The following LDB2 variants were observed in gnomAD, a reference collection of about 807,000 sequenced individuals.
The protein encoded by LDB2 is LIM domain-binding protein 2.
LDB2 carries 12 observed loss-of-function variants against 44.3 expected under a neutral mutation model. The observed-to-expected ratio is 0.27, with a 90% confidence interval of 0.17 to 0.44. LDB2 has a LOEUF of 0.44. Among genes scored for constraint, LDB2 ranks in the 20% least tolerant of loss-of-function variants. The probability of loss-of-function intolerance (pLI) is 1.00; values close to 1 mark genes in which losing one functional copy is unlikely to be tolerated. For missense variants in LDB2, 344 were observed against 473.5 expected, an observed-to-expected ratio of 0.73 and a Z score of 2.54; for synonymous variants, 164 against 174.8, an observed-to-expected ratio of 0.94 and a Z score of 0.49.
chr4:16,799,634 C>T (rs1294942948), intron 1 of LDB2, among the ~76,000 whole-genome samples: 1 of 152,116 alleles, frequency 6.6e-6, no homozygotes, highest in Non-Finnish European at 1.5e-5. Flanking sequence ...TATGATTGAA[C>T]AAGAACAAAG....
chr4:16,563,973 A>T (rs1743539895), intron 5 of LDB2, among the ~76,000 whole-genome samples: 3 of 152,154 alleles, frequency 2.0e-5, no homozygotes, highest in Admixed American at 2.0e-4. Context: ...TAAATACTCA[A>T]TTACAGTGAT....
At position 16,848,907 on chromosome 4, in the gene LDB2, ACT is replaced by A. The variant is rs1455198388; in HGVS notation, c.132+49445_132+49446del. Among the ~76,000 whole-genome samples, 8 of 152,088 alleles carry A rather than the reference ACT, an allele frequency of 5.3e-5. No individual in the cohort carries two copies. In the East Asian group the frequency reaches 1.4e-3, roughly 26 times the overall value. ...TCATCCACACTCTTTCCAGTAATGC[ACT>A]CTCTGCATGGCCGCCTGAAAGCTAC... On this transcript the variant is annotated intron_variant, in intron 1 of 7. Coordinates refer to ENST00000304523, the MANE Select transcript of LDB2 (RefSeq NM_001290.5).
chr4:16,681,021 T>C (rs950983035), intron 2 of LDB2, among the ~76,000 whole-genome samples: 8 of 152,188 alleles, frequency 5.3e-5, no homozygotes, highest in African/African-American at 1.7e-4. Flanking sequence ...GGTTATTCAA[T>C]ATAATACAAA....
At chr4:16,517,414 T>C (rs892469453) in intron 5 of LDB2, among the ~76,000 whole-genome samples, 8 of 152,180 alleles carry the variant, frequency 5.3e-5, no homozygotes, top group African/African-American at 1.9e-4. Flanking sequence ...TCCTTTGATG[T>C]TGAAAAAAAC....
intron 1 of LDB2, among the ~76,000 whole-genome samples, chr4:16,863,656 CTTTT>C (rs143950913): frequency 5.4e-5 from 5 of 91,926 alleles, no homozygotes; most frequent in South Asian, 4.3e-4. Flanking sequence ...CTCACATTCT[CTTTT>C]TTTTTTTTTT....
At chr4:16,687,711 C>G (rs960371238) in intron 2 of LDB2, among the ~76,000 whole-genome samples, 1 of 152,144 alleles carries the variant, frequency 6.6e-6, no homozygotes, top group Non-Finnish European at 1.5e-5. Flanking sequence ...CACACCCACC[C>G]TGCCTTTTCT....
At chr4:16,655,957 TG>T (rs1326629221) in intron 2 of LDB2, among the ~76,000 whole-genome samples, 1 of 128,346 alleles carries the variant, frequency 7.8e-6, no homozygotes, top group East Asian at 2.4e-4. Flanking sequence ...CGGAGTGCGG[TG>T]GCGCAATCTC....
intron 2 of LDB2, among the ~76,000 whole-genome samples, chr4:16,672,812 G>A (rs941239499): frequency 6.5e-5 from 8 of 124,008 alleles, no homozygotes; most frequent in African/African-American, 2.1e-4. Flanking sequence ...AACTGCTTGC[G>A]TGCCTGCCTG....
In LDB2 at chr4:16,502,604, C is replaced by A. The variant is rs1486493180; in HGVS notation, c.*39G>T. 6.2e-7 allele frequency: 1 copy of A among 1,607,130 alleles called. No homozygotes were observed. Among genetic ancestry groups the A allele is most frequent in the South Asian group, 1.1e-5 (1 of 90,998 alleles). On this transcript the variant is annotated 3_prime_UTR_variant, in exon 8 of 8. Coordinates refer to ENST00000304523, the MANE Select transcript of LDB2 (RefSeq NM_001290.5). Reference sequence around the variant, plus strand: ...AAAGATTTGCAATTGTAATGATCACCCACGGGCCTATTGACAGTGGATTCT... The same window carrying A: ...AAAGATTTGCAATTGTAATGATCACACACGGGCCTATTGACAGTGGATTCT...
At chr4:16,883,480 C>G (rs574678440) in intron 1 of LDB2, among the ~76,000 whole-genome samples, 203 of 152,362 alleles carry the variant, frequency 1.3e-3, no homozygotes, top group Non-Finnish European at 2.0e-3. Context: ...GGGGCATGAA[C>G]TACCATGCAG....
Position 16,606,061 on chromosome 4 carries a change from T to C in LDB2, c.236-10186A>G, listed in dbSNP as rs192038845. Among the ~76,000 whole-genome samples, 7 of 152,338 alleles carry C rather than the reference T, an allele frequency of 4.6e-5. No individual in the cohort carries two copies. The East Asian group carries it at 1.4e-3, about 29-fold the overall frequency. ...CACCAATCTCAGTGCCTTCACCACT[T>C]CCTAGCTCACCTTTTTATCAATGTT... On this transcript the variant is annotated intron_variant, in intron 2 of 7. Coordinates refer to ENST00000304523, the MANE Select transcript of LDB2 (RefSeq NM_001290.5).
chr4:16,566,677 A>G (rs955785875), intron 5 of LDB2, among the ~76,000 whole-genome samples: 1 of 152,170 alleles, frequency 6.6e-6, no homozygotes, highest in African/African-American at 2.4e-5. Flanking sequence ...CATCTCACAC[A>G]AACAAAAACA....
chr4:16,736,417 G>A (rs746108289), intron 2 of LDB2, among the ~76,000 whole-genome samples: 13 of 152,178 alleles, frequency 8.5e-5, no homozygotes, highest in Admixed American at 2.6e-4. Context: ...TAAAAAGGCT[G>A]TTTCCGCCTC....
chr4:16,506,032 C>T, intron 7 of LDB2: 2 of 1,535,616 alleles, frequency 1.3e-6, no homozygotes, highest in Non-Finnish European at 1.8e-6. Flanking sequence ...CTAGCCCTCG[C>T]CAGACACACA....
intron 4 of LDB2, among the ~76,000 whole-genome samples, chr4:16,588,135 G>A (rs1390484849): frequency 1.3e-5 from 2 of 152,022 alleles, no homozygotes; most frequent in Non-Finnish European, 2.9e-5. Context: ...TCTCTAGATC[G>A]GCATAGAACC....
At chr4:16,764,623 A>C (rs750084023) in intron 1 of LDB2, among the ~76,000 whole-genome samples, 2 of 152,132 alleles carry the variant, frequency 1.3e-5, no homozygotes, top group African/African-American at 2.4e-5. Flanking sequence ...GCTTGGCCAC[A>C]TGTGAGGAAG....
chr4:16,870,622 A>G (rs935720323), intron 1 of LDB2, among the ~76,000 whole-genome samples: 1 of 138,844 alleles, frequency 7.2e-6, no homozygotes, highest in Non-Finnish European at 1.6e-5. Context: ...ACTTCCTTGC[A>G]TTCTCTTTAT....
At chr4:16,686,615 GT>G (rs1749314675) in intron 2 of LDB2, among the ~76,000 whole-genome samples, 1 of 152,200 alleles carries the variant, frequency 6.6e-6, no homozygotes, top group Non-Finnish European at 1.5e-5. Context: ...CCACTGAGCT[GT>G]CAGAAGATGA....
intron 1 of LDB2, among the ~76,000 whole-genome samples, chr4:16,774,288 C>A (rs565561390): frequency 6.6e-6 from 1 of 152,162 alleles, no homozygotes; most frequent in Non-Finnish European, 1.5e-5. Context: ...GATCCTAACG[C>A]CTCTCACACC....
Sources: gnomAD v4.1 joint callset for allele counts (sites outside exome capture counted in the v4.1 genomes callset) on GRCh38, gnomAD v4.1.1 for gene constraint, MANE v1.5 for transcripts, NCBI Gene and HGNC (gene_info 2026-07-23, HGNC 2026-07-21) for gene names.